The following KCNF1 variants were observed in gnomAD, a reference collection of about 807,000 sequenced individuals.
The protein encoded by KCNF1 is voltage-gated potassium channel regulatory subunit KCNF1.
A neutral mutation model predicts 28.6 loss-of-function variants in KCNF1; 9 were observed. That is an observed-to-expected ratio of 0.31 (90% confidence interval 0.19 to 0.55). The LOEUF is 0.55. Ranked by LOEUF, KCNF1 falls within the 20% of genes least tolerant of loss-of-function variation. The pLI is 0.93. For missense variants in KCNF1, 461 were observed against 684.2 expected (o/e 0.67, Z 3.64); for synonymous variants, 328 against 299.6 (o/e 1.09, Z -0.98).
Position 10,912,630 on chromosome 2 carries a change from C to A in KCNF1, c.204C>A (p.Asp68Glu). 1 of 1,613,748 alleles carries A rather than the reference C, an allele frequency of 6.2e-7. No individual in the cohort carries two copies. The highest frequency in any genetic ancestry group is 8.5e-7 in the Non-Finnish European group (1 of 1,179,864). ...ACGACACCATCTTCTCCCTGTGCGA[C>A]GACTACGACCCCGGCAAGCGCGAGT... ...GGYDTIFSLC[D>E]DYDPGKREFY... The change falls in exon 1 of 1, where the codon GAC (aspartate) becomes GAA (glutamate). Residue 68 changes from aspartate to glutamate, a missense_variant. Asp to Glu is a conservative substitution (Grantham distance 45). Around this residue, in one of 4 missense-constraint regions of KCNF1, gnomAD observed 193 missense variants for 280.6 expected, o/e 0.69. Coordinates refer to ENST00000295082, the MANE Select transcript of KCNF1 (RefSeq NM_002236.5). This position sits in a 1 kb window ranked among gnomAD's most constrained non-coding sequence, Gnocchi z 7.9.
Position 10,913,227 on chromosome 2 carries a change from C to T in KCNF1, c.801C>T (p.Tyr267=), listed in dbSNP as rs114664009. The change falls in exon 1 of 1, where the codon TAC becomes TAT. Residue 267 remains tyrosine (Y), a synonymous_variant. Transcript: ENST00000295082. This position sits in a 1 kb window ranked among gnomAD's most constrained non-coding sequence, Gnocchi z 5.5. ...IVDVLAILPF[Y]VSLTLTHLGA... is the part of the protein sequence containing the mutation. ...ACGTGCTGGCCATCCTCCCCTTCTA[C>T]GTGAGCCTCACGCTCACGCACCTGG... is the stretch of plus-strand genomic sequence containing the variant. The T allele has an allele frequency of 4.8e-4, 773 of 1,613,488 alleles. 6 individuals carry two copies. In the African/African-American group the frequency reaches 9.2e-3, roughly 19 times the overall value.
Position 10,912,363 on chromosome 2 carries a change from C to A in KCNF1, c.-64C>A, listed in dbSNP as rs1212573189. ...CGGGTGGCACCCGCCGGACCCCCAGCGGCAGCGGCGGCGGCGGCTGCAGGG... is the reference window on the plus strand; with the variant it reads ...CGGGTGGCACCCGCCGGACCCCCAGAGGCAGCGGCGGCGGCGGCTGCAGGG... On this transcript the variant is annotated 5_prime_UTR_variant, in exon 1 of 1. Transcript: ENST00000295082. This position sits in a 1 kb window ranked among gnomAD's most constrained non-coding sequence, Gnocchi z 7.9. 5.9e-6 allele frequency: 7 copies of A among 1,183,550 alleles called. No homozygotes were observed. Among genetic ancestry groups the A allele is most frequent in the Non-Finnish European group, 7.4e-6 (7 of 949,978 alleles). 73.3% of individuals were successfully genotyped at this position (1,183,550 alleles called of 1,614,324 possible).
In KCNF1 at chr2:10,912,965, C is replaced by G. The variant is rs1223203503; in HGVS notation, c.539C>G (p.Pro180Arg). The change falls in exon 1 of 1, where the codon CCG becomes CGG. Residue 180 changes from proline to arginine, a missense_variant. By Grantham distance (103) the Pro-to-Arg change is moderately radical. This residue lies in a region of KCNF1 where 193 missense variants were observed against 280.6 expected (regional missense o/e 0.69). Transcript: ENST00000295082. The surrounding 1 kb of genome is among the most constrained non-coding windows in gnomAD (Gnocchi z 7.9). ...CTGGAGAAGCCCGAGTCGTCGTGCC[C>G]GGCGCGGGTGGTGGCCGTGCTCTCC... ...KFLEKPESSC[P>R]ARVVAVLSFL... is the part of the protein sequence containing the mutation. The G allele has an allele frequency of 6.2e-7, 1 of 1,603,890 alleles. No homozygotes were observed. Among genetic ancestry groups the G allele is most frequent in the Admixed American group, 1.7e-5 (1 of 59,998 alleles).
Position 10,913,087 on chromosome 2 carries a change from A to T in KCNF1, c.661A>T (p.Thr221Ser). 2 of 1,608,558 alleles carry T rather than the reference A, an allele frequency of 1.2e-6. No homozygotes were observed. The highest frequency in any genetic ancestry group is 1.7e-6 in the Non-Finnish European group (2 of 1,180,000). The change falls in exon 1 of 1, where the codon ACG (threonine) becomes TCG (serine). Residue 221 changes from threonine to serine, a missense_variant. Thr to Ser is a moderately conservative substitution (Grantham distance 58, BLOSUM62 1). Coordinates refer to ENST00000295082, the MANE Select transcript of KCNF1 (RefSeq NM_002236.5). This position sits in a 1 kb window ranked among gnomAD's most constrained non-coding sequence, Gnocchi z 5.5. The stretch of plus-strand genomic sequence containing the variant: ...CGAGGGCAACCGCGTGGAGCACCCG[A>T]CGCTGGAGAACGTGGAGACGGCGTG... ...DAEGNRVEHP[T>S]LENVETACIG...
In KCNF1 at chr2:10,912,227, C is replaced by G. The variant is rs1166559753; in HGVS notation, c.-200C>G. 5.3e-6 allele frequency: 1 copy of G among 187,308 alleles called. No individual in the cohort carries two copies. The highest frequency in any genetic ancestry group is 1.0e-5 in the Non-Finnish European group (1 of 99,836). 11.6% of individuals were successfully genotyped at this position (187,308 alleles called of 1,614,324 possible). A position where few individuals can be genotyped will look rare whatever the true frequency, so the allele number is the denominator to read the frequency against. On this transcript the variant is annotated 5_prime_UTR_variant, in exon 1 of 1. Coordinates refer to ENST00000295082, the MANE Select transcript of KCNF1 (RefSeq NM_002236.5). This position sits in a 1 kb window ranked among gnomAD's most constrained non-coding sequence, Gnocchi z 7.9. ...GGCGCCCGGATGCCAGCCCCGAGCC[C>G]CGCCGCCGGGTGCATGCCTCCCCCG...
chr2:10,912,905 G>C lies in KCNF1; in HGVS notation c.479G>C (p.Arg160Pro). The C allele has an allele frequency of 6.2e-7, 1 of 1,610,402 alleles. No homozygotes were observed. Among genetic ancestry groups the C allele is most frequent in the Non-Finnish European group, 8.5e-7 (1 of 1,179,624 alleles). Residue 160 changes from arginine to proline, a missense_variant, in exon 1 of 1, where the codon CGC (arginine) becomes CCC (proline). Physicochemically the swap from Arg to Pro is moderately radical, Grantham distance 103 (BLOSUM62 -2). Coordinates refer to ENST00000295082, the MANE Select transcript of KCNF1 (RefSeq NM_002236.5). This position sits in a 1 kb window ranked among gnomAD's most constrained non-coding sequence, Gnocchi z 7.9. ...CTGGGCGTGGACGCAGCCGAGGGCC[G>C]CTGGCGCCGCTGCCAGAAGTGCGTC... ...DDLGVDAAEG[R>P]WRRCQKCVWK...
In KCNF1 at chr2:10,914,046, C is replaced by T. The variant is rs1661587341; in HGVS notation, c.*135C>T. 9.7e-6 allele frequency: 10 copies of T among 1,029,452 alleles called. No individual in the cohort carries two copies. The highest frequency in any genetic ancestry group is 2.8e-5 in the East Asian group (1 of 35,656). 63.8% of individuals were successfully genotyped at this position (1,029,452 alleles called of 1,614,324 possible). A position where few individuals can be genotyped will look rare whatever the true frequency, so the allele number is the denominator to read the frequency against. On this transcript the variant is annotated 3_prime_UTR_variant, in exon 1 of 1. Transcript: ENST00000295082. Reference sequence around the variant, plus strand: ...CCTGGACAGACTCTGAAGGCCCTCCCGGCACCTCTGCCAAGGCTGGGTAAG... The same window carrying T: ...CCTGGACAGACTCTGAAGGCCCTCCTGGCACCTCTGCCAAGGCTGGGTAAG...
In KCNF1 at chr2:10,913,951, C is replaced by T; in HGVS notation, c.*40C>T. On this transcript the variant is annotated 3_prime_UTR_variant, in exon 1 of 1. Transcript: ENST00000295082. The surrounding 1 kb of genome is among the most constrained non-coding windows in gnomAD (Gnocchi z 5.5). ...AGGCAGAGATGGACCAGGCGGTGGA[C>T]AGATGGGTAGATGTGGCAGGCATGT... The T allele has an allele frequency of 6.6e-7, 1 of 1,515,350 alleles. No homozygotes were observed. The highest frequency in any genetic ancestry group is 1.3e-5 in the South Asian group (1 of 74,784). 93.9% of individuals were successfully genotyped at this position (1,515,350 alleles called of 1,614,324 possible). A position where few individuals can be genotyped will look rare whatever the true frequency, so the allele number is the denominator to read the frequency against.
chr2:10,913,197 T>C lies in KCNF1; in HGVS notation c.771T>C (p.Ile257=), dbSNP rs747088045. ...KLHFALSFMN[I]VDVLAILPFY... ...ACTTCGCGCTGTCCTTCATGAACAT[T>C]GTGGACGTGCTGGCCATCCTCCCCT... Residue 257 remains isoleucine, a synonymous_variant, in exon 1 of 1, where the codon ATT becomes ATC. Coordinates refer to ENST00000295082, the MANE Select transcript of KCNF1 (RefSeq NM_002236.5). This position sits in a 1 kb window ranked among gnomAD's most constrained non-coding sequence, Gnocchi z 5.5. 1 of 1,613,440 alleles carries C rather than the reference T, an allele frequency of 6.2e-7. No individual in the cohort carries two copies. The highest frequency in any genetic ancestry group is 1.3e-5 in the African/African-American group (1 of 75,080).
At position 10,912,953 on chromosome 2, in the gene KCNF1, A is replaced by C; in HGVS notation, c.527A>C (p.Glu176Ala). Residue 176 changes from glutamate (E) to alanine (A), a missense_variant, in exon 1 of 1, where the codon GAG becomes GCG. By Grantham distance (107) the Glu-to-Ala change is moderately radical. This residue lies in a region of KCNF1 where 193 missense variants were observed against 280.6 expected (regional missense o/e 0.69). Coordinates refer to ENST00000295082, the MANE Select transcript of KCNF1 (RefSeq NM_002236.5). The surrounding 1 kb of genome is among the most constrained non-coding windows in gnomAD (Gnocchi z 7.9). ...KCVWKFLEKP[E>A]SSCPARVVAV... ...GTCTGGAAGTTCCTGGAGAAGCCCG[A>C]GTCGTCGTGCCCGGCGCGGGTGGTG... The C allele has an allele frequency of 6.2e-7, 1 of 1,605,330 alleles. No individual in the cohort carries two copies. The highest frequency in any genetic ancestry group is 8.5e-7 in the Non-Finnish European group (1 of 1,179,770).
rs759669416 is a variant in KCNF1 at position 10,912,913 on chromosome 2, C to G, written c.487C>G (p.Arg163Gly). 6.2e-7 allele frequency: 1 copy of G among 1,610,238 alleles called. No individual in the cohort carries two copies. The highest frequency in any genetic ancestry group is 1.3e-5 in the African/African-American group (1 of 75,062). Reference protein sequence around the residue: ...GVDAAEGRWRRCQKCVWKFLE... With the variant: ...GVDAAEGRWRGCQKCVWKFLE... ...GGACGCAGCCGAGGGCCGCTGGCGC[C>G]GCTGCCAGAAGTGCGTCTGGAAGTT... The change falls in exon 1 of 1, where the codon CGC becomes GGC. Residue 163 changes from arginine (R) to glycine (G), a missense_variant. Around this residue, in one of 4 missense-constraint regions of KCNF1, gnomAD observed 193 missense variants for 280.6 expected, o/e 0.69. Coordinates refer to ENST00000295082, the MANE Select transcript of KCNF1 (RefSeq NM_002236.5). The surrounding 1 kb of genome is among the most constrained non-coding windows in gnomAD (Gnocchi z 7.9).
In KCNF1 at chr2:10,912,965, C is replaced by T. The variant is rs1223203503; in HGVS notation, c.539C>T (p.Pro180Leu). 6.2e-7 allele frequency: 1 copy of T among 1,603,772 alleles called. No homozygotes were observed. The highest frequency in any genetic ancestry group is 1.3e-5 in the African/African-American group (1 of 74,924). ...CTGGAGAAGCCCGAGTCGTCGTGCC[C>T]GGCGCGGGTGGTGGCCGTGCTCTCC... ...KFLEKPESSC[P>L]ARVVAVLSFL... The change falls in exon 1 of 1, where the codon CCG becomes CTG. Residue 180 changes from proline (P) to leucine (L), a missense_variant. Pro to Leu is a moderately conservative substitution (Grantham distance 98, BLOSUM62 -3). Transcript: ENST00000295082. This position sits in a 1 kb window ranked among gnomAD's most constrained non-coding sequence, Gnocchi z 7.9.
At position 10,912,619 on chromosome 2, in the gene KCNF1, T is replaced by A; in HGVS notation, c.193T>A (p.Ser65Thr). ...CLAGGYDTIF[S>T]LCDDYDPGKR... Reference sequence around the variant, plus strand: ...GGCTGGGGGCTACGACACCATCTTCTCCCTGTGCGACGACTACGACCCCGG... The same window carrying A: ...GGCTGGGGGCTACGACACCATCTTCACCCTGTGCGACGACTACGACCCCGG... Residue 65 changes from serine to threonine, a missense_variant, in exon 1 of 1, where the codon TCC (serine) becomes ACC (threonine). Physicochemically the swap from Ser to Thr is moderately conservative, Grantham distance 58. This residue lies in a region of KCNF1 where 193 missense variants were observed against 280.6 expected (regional missense o/e 0.69). Coordinates refer to ENST00000295082, the MANE Select transcript of KCNF1 (RefSeq NM_002236.5). This position sits in a 1 kb window ranked among gnomAD's most constrained non-coding sequence, Gnocchi z 7.9. The A allele has an allele frequency of 6.2e-7, 1 of 1,613,610 alleles. No homozygotes were observed. The highest frequency in any genetic ancestry group is 1.7e-4 in the Middle Eastern group (1 of 6,060).
At position 10,913,185 on chromosome 2, in the gene KCNF1, C is replaced by A. The variant is rs775792216; in HGVS notation, c.759C>A (p.Ser253=). The A allele has an allele frequency of 6.2e-7, 1 of 1,613,464 alleles. No individual in the cohort carries two copies. Among genetic ancestry groups the A allele is most frequent in the East Asian group, 2.2e-5 (1 of 44,880 alleles). The part of the protein sequence containing the change: ...SSPNKLHFAL[S]FMNIVDVLAI... ...CCAACAAGCTGCACTTCGCGCTGTC[C>A]TTCATGAACATTGTGGACGTGCTGG... The change falls in exon 1 of 1, where the codon TCC becomes TCA. Residue 253 remains serine, a synonymous_variant. Transcript: ENST00000295082. This position sits in a 1 kb window ranked among gnomAD's most constrained non-coding sequence, Gnocchi z 5.5.
chr2:10,913,298 C>T lies in KCNF1; in HGVS notation c.872C>T (p.Ala291Val). Residue 291 changes from alanine (A) to valine (V), a missense_variant, in exon 1 of 1, where the codon GCG becomes GTG. Physicochemically the swap from Ala to Val is moderately conservative, Grantham distance 64. Coordinates refer to ENST00000295082, the MANE Select transcript of KCNF1 (RefSeq NM_002236.5). This position sits in a 1 kb window ranked among gnomAD's most constrained non-coding sequence, Gnocchi z 5.5. ...ELTNVQQAVQ[A>V]LRIMRIARIF... ...ACCAACGTGCAGCAGGCCGTGCAGGCGCTGCGGATCATGCGCATCGCGCGC... is the reference window on the plus strand; with the variant it reads ...ACCAACGTGCAGCAGGCCGTGCAGGTGCTGCGGATCATGCGCATCGCGCGC... 6.2e-7 allele frequency: 1 copy of T among 1,612,500 alleles called. No individual in the cohort carries two copies. Among genetic ancestry groups the T allele is most frequent in the Non-Finnish European group, 8.5e-7 (1 of 1,179,704 alleles).
At position 10,913,242 on chromosome 2, in the gene KCNF1, C is replaced by T. The variant is rs560494220; in HGVS notation, c.816C>T (p.Leu272=). Residue 272 remains leucine (L), a synonymous_variant, in exon 1 of 1, where the codon CTC becomes CTT. Transcript: ENST00000295082. The surrounding 1 kb of genome is among the most constrained non-coding windows in gnomAD (Gnocchi z 5.5). ...TCCCCTTCTACGTGAGCCTCACGCT[C>T]ACGCACCTGGGTGCCCGCATGATGG... ...AILPFYVSLT[L]THLGARMMEL... is the part of the protein sequence containing the mutation. 3.0e-5 allele frequency: 48 copies of T among 1,613,524 alleles called. No individual in the cohort carries two copies. Among genetic ancestry groups the T allele is most frequent in the Non-Finnish European group, 4.0e-5 (47 of 1,180,034 alleles).
Position 10,914,093 on chromosome 2 carries a change from TC to T in KCNF1, c.*184del. On this transcript the variant is annotated 3_prime_UTR_variant, in exon 1 of 1. Transcript: ENST00000295082. ...TAAGACTCCTCTATGTTGCCTGCTG[TC>T]CAGGAGCCCGGGAGGGAGGGGTGTG... 1.6e-6 allele frequency: 1 copy of T among 625,246 alleles called. No individual in the cohort carries two copies. The highest frequency in any genetic ancestry group is 2.6e-6 in the Non-Finnish European group (1 of 391,556). 38.7% of individuals were successfully genotyped at this position (625,246 alleles called of 1,614,324 possible).
Position 10,912,486 on chromosome 2 carries a change from C to T in KCNF1, c.60C>T (p.Ser20=). ...CGGGCAGCCAGAGCTCCGCTGCCAGCGACGACATAGAGATAGTCGTCAACG... is the reference window on the plus strand; with the variant it reads ...CGGGCAGCCAGAGCTCCGCTGCCAGTGACGACATAGAGATAGTCGTCAACG... ...PEPGSQSSAA[S]DDIEIVVNVG... is the part of the protein sequence containing the mutation. Residue 20 remains serine, a synonymous_variant, in exon 1 of 1, where the codon AGC becomes AGT. Coordinates refer to ENST00000295082, the MANE Select transcript of KCNF1 (RefSeq NM_002236.5). The surrounding 1 kb of genome is among the most constrained non-coding windows in gnomAD (Gnocchi z 7.9). 1.3e-6 allele frequency: 2 copies of T among 1,534,168 alleles called. No individual in the cohort carries two copies. The highest frequency in any genetic ancestry group is 1.4e-5 in the African/African-American group (1 of 72,572).
Position 10,913,006 on chromosome 2 carries a change from G to T in KCNF1, c.580G>T (p.Val194Phe). 1 of 1,602,864 alleles carries T rather than the reference G, an allele frequency of 6.2e-7. No homozygotes were observed. Among genetic ancestry groups the T allele is most frequent in the Non-Finnish European group, 8.5e-7 (1 of 1,179,884 alleles). Reference sequence around the variant, plus strand: ...CGTGCTCTCCTTCCTGCTCATCCTCGTCTCGTCCGTGGTCATGTGCATGGG... The same window carrying T: ...CGTGCTCTCCTTCCTGCTCATCCTCTTCTCGTCCGTGGTCATGTGCATGGG... ...VAVLSFLLIL[V>F]SSVVMCMGTI... Residue 194 changes from valine (V) to phenylalanine (F), a missense_variant, in exon 1 of 1, where the codon GTC becomes TTC. Physicochemically the swap from Val to Phe is conservative, Grantham distance 50. Around this residue, in one of 4 missense-constraint regions of KCNF1, gnomAD observed 193 missense variants for 280.6 expected, o/e 0.69. Coordinates refer to ENST00000295082, the MANE Select transcript of KCNF1 (RefSeq NM_002236.5). This position sits in a 1 kb window ranked among gnomAD's most constrained non-coding sequence, Gnocchi z 5.5.
Sources: gnomAD v4.1 joint callset for allele counts on GRCh38, gnomAD v4.1.1 for gene constraint, gnomAD v4.1.1 regional missense constraint, Gnocchi (gnomAD v3.1) non-coding constraint, MANE v1.5 for transcripts, NCBI Gene and HGNC (gene_info 2026-07-23, HGNC 2026-07-21) for gene names.